The following UBAC2 variants were observed in gnomAD, a reference collection of about 807,000 sequenced individuals.
The protein encoded by UBAC2 is UBA domain containing 2, also known as ubiquitin-associated domain-containing protein 2.
Under a neutral mutation model 44.0 loss-of-function variants are expected in UBAC2, and 26 were observed. That is an observed-to-expected ratio of 0.59 (90% CI 0.43 to 0.82). The LOEUF is 0.82. UBAC2 is among the 40% of genes least tolerant of loss of function. The pLI is 0.00. For synonymous variants in UBAC2, 155 were observed against 154.3 expected, an observed-to-expected ratio of 1.00 and a Z score of -0.04; for missense variants, 329 against 419.4, an observed-to-expected ratio of 0.78 and a Z score of 1.88.
intron 8 of UBAC2, 61 bp from the exon 9 acceptor site, chr13:99,385,167 G>T: frequency 8.0e-7 from 1 of 1,255,446 alleles, no homozygotes. Flanking sequence ...AGAACATTTG[G>T]GGCCCAGGGA....
At chr13:99,339,329 T>G (rs1456538046) in intron 6 of UBAC2, among the ~76,000 whole-genome samples, 1 of 152,224 alleles carries the variant, frequency 6.6e-6, no homozygotes, top group Non-Finnish European at 1.5e-5. Flanking sequence ...AGTAGGTTCG[T>G]GCCCCATGTC....
intron 7 of UBAC2, among the ~76,000 whole-genome samples, chr13:99,363,283 T>TA (rs1204959581): frequency 1.3e-5 from 2 of 152,232 alleles, no homozygotes; most frequent in African/African-American, 4.8e-5. Context: ...AATCCTTTCT[T>TA]ATATTTCTTC....
At chr13:99,212,315 C>T (rs1341786227) in intron 1 of UBAC2, among the ~76,000 whole-genome samples, 1 of 152,092 alleles carries the variant, frequency 6.6e-6, no homozygotes, top group East Asian at 1.9e-4. Flanking sequence ...AAGTTTTAAC[C>T]CTCATTTAAA....
At chr13:99,242,549 A>G (rs1316482063) in intron 2 of UBAC2, among the ~76,000 whole-genome samples, 2 of 104,238 alleles carry the variant, frequency 1.9e-5, no homozygotes, top group Admixed American at 9.5e-5. Context: ...CTGTCCGGGC[A>G]GAGGGGCTCC....
At chr13:99,358,723 TGGA>T (rs1466575882) in intron 7 of UBAC2, among the ~76,000 whole-genome samples, 6 of 151,940 alleles carry the variant, frequency 3.9e-5, no homozygotes, top group African/African-American at 1.5e-4. Flanking sequence ...AGAGTGAGGG[TGGA>T]GACAGTGGCG....
intron 4 of UBAC2, among the ~76,000 whole-genome samples, chr13:99,282,891 T>C (rs946208768): frequency 1.3e-5 from 2 of 152,232 alleles, no homozygotes; most frequent in African/African-American, 4.8e-5. Context: ...GTATATGTTA[T>C]GTGTTGAGTT....
chr13:99,240,942 T>A (rs560212689), intron 2 of UBAC2, among the ~76,000 whole-genome samples: 1 of 152,278 alleles, frequency 6.6e-6, no homozygotes, highest in African/African-American at 2.4e-5. Context: ...TTTACAAACT[T>A]TAGTTTCTCT....
intron 2 of UBAC2, among the ~76,000 whole-genome samples, chr13:99,242,694 A>T (rs899944475): frequency 8.9e-5 from 3 of 33,574 alleles, no homozygotes; most frequent in Non-Finnish European, 1.8e-4. Flanking sequence ...GACCCCCCCC[A>T]CCTCCCTCCC....
chr13:99,276,456 T>C (rs1030712657), intron 4 of UBAC2, among the ~76,000 whole-genome samples: 4 of 152,222 alleles, frequency 2.6e-5, no homozygotes, highest in African/African-American at 9.6e-5. Flanking sequence ...ATTGGTTTAT[T>C]ATAAAGGATA....
chr13:99,356,185 C>T (rs1375076390), intron 7 of UBAC2: 2 of 534,782 alleles, frequency 3.7e-6, no homozygotes, highest in South Asian at 2.8e-5. Context: ...CTAAGCTGTG[C>T]TGGAGCTTCC....
At chr13:99,229,298 A>G (rs947901261) in intron 1 of UBAC2, among the ~76,000 whole-genome samples, 2 of 152,268 alleles carry the variant, frequency 1.3e-5, no homozygotes, top group Admixed American at 1.3e-4. Context: ...TGAAGGCTGC[A>G]TAAGATTTAG....
intron 7 of UBAC2, among the ~76,000 whole-genome samples, chr13:99,355,747 C>T (rs972089485): frequency 2.0e-5 from 3 of 152,232 alleles, no homozygotes; most frequent in East Asian, 1.9e-4. Flanking sequence ...TGGCTCAGCC[C>T]GCAGCGTGCT....
rs2230343 is a variant in UBAC2 at position 99,295,843 on chromosome 13, A to G, written c.390-18254A>G. ...CTAGCGCAGTTATCCTACACAAGGCATCTCCGATTCTCCAGTCAAAGCCCA... is the reference window on the plus strand; with the variant it reads ...CTAGCGCAGTTATCCTACACAAGGCGTCTCCGATTCTCCAGTCAAAGCCCA... On this transcript the variant is annotated intron_variant, in intron 4 of 8. Coordinates refer to ENST00000403766, the MANE Select transcript of UBAC2 (RefSeq NM_001144072.2). The surrounding 1 kb of genome is among the most constrained non-coding windows in gnomAD (Gnocchi z 4.1). 0.064 allele frequency: 103,477 copies of G among 1,605,754 alleles called. 3,743 individuals carry two copies. The highest frequency in any genetic ancestry group is 0.13 in the East Asian group (5,657 of 44,798).
chr13:99,379,678 A>G (rs2045525126), intron 8 of UBAC2, among the ~76,000 whole-genome samples: 3 of 152,278 alleles, frequency 2.0e-5, no homozygotes, highest in African/African-American at 7.2e-5. Flanking sequence ...TATCACTTTT[A>G]GCACAGAACT....
At position 99,216,261 on chromosome 13, in the gene UBAC2, C is replaced by T. The variant is rs1264301151; in HGVS notation, c.31+15322C>T. Among the ~76,000 whole-genome samples, 3 of 152,134 alleles carry T rather than the reference C, an allele frequency of 2.0e-5. No individual in the cohort carries two copies. In the South Asian group the frequency reaches 6.2e-4, roughly 32 times the overall value. On this transcript the variant is annotated intron_variant, in intron 1 of 8. Coordinates refer to ENST00000403766, the MANE Select transcript of UBAC2 (RefSeq NM_001144072.2). Reference sequence around the variant, plus strand: ...CTAGGATTATAGATGCCCGCCACCACACCTGGCTAATTTTTGTATTTTTAG... The same window carrying T: ...CTAGGATTATAGATGCCCGCCACCATACCTGGCTAATTTTTGTATTTTTAG...
intron 1 of UBAC2, among the ~76,000 whole-genome samples, chr13:99,233,039 T>C (rs977096642): frequency 6.6e-6 from 1 of 152,188 alleles, no homozygotes; most frequent in Non-Finnish European, 1.5e-5. Flanking sequence ...ATTTTCTAGC[T>C]CTGATTACTG....
At chr13:99,222,246 A>C (rs2043059466) in intron 1 of UBAC2, among the ~76,000 whole-genome samples, 1 of 152,236 alleles carries the variant, frequency 6.6e-6, no homozygotes, top group Non-Finnish European at 1.5e-5. Context: ...AACCAGGATG[A>C]TGCACTCAAA....
chr13:99,238,443 G>A lies in UBAC2; in HGVS notation c.48G>A (p.Ser16=), dbSNP rs568745524. The stretch of plus-strand genomic sequence containing the variant: ...TCCCTCCAGACAAGGCGCCTCTGTC[G>A]AAGAGCCTTCTGCTGGTCCCCAGTG... ...GSSGLYKAPL[S]KSLLLVPSAL... The change falls in exon 2 of 9, where the codon TCG becomes TCA. Residue 16 remains serine, a synonymous_variant. Coordinates refer to ENST00000403766, the MANE Select transcript of UBAC2 (RefSeq NM_001144072.2). 3.7e-6 allele frequency: 6 copies of A among 1,613,588 alleles called. No homozygotes were observed. The East Asian group carries it at 6.7e-5, about 18-fold the overall frequency.
chr13:99,304,778 T>C (rs990223325), intron 4 of UBAC2, among the ~76,000 whole-genome samples: 3 of 152,218 alleles, frequency 2.0e-5, no homozygotes, highest in African/African-American at 7.2e-5. Context: ...AGCTGTTAAA[T>C]GTTAGGATTC....
Sources: gnomAD v4.1 joint callset for allele counts (sites outside exome capture counted in the v4.1 genomes callset) on GRCh38, gnomAD v4.1.1 for gene constraint, Gnocchi (gnomAD v3.1) non-coding constraint, MANE v1.5 for transcripts, NCBI Gene and HGNC (gene_info 2026-07-23, HGNC 2026-07-21) for gene names.